ZNF592: variants seen among roughly 807,000 people sequenced by gnomAD.
ZNF592 encodes zinc finger protein 592.
In ZNF592, 11 loss-of-function variants were observed where a neutral mutation model predicts 80.3. That is an observed-to-expected ratio of 0.14 (90% CI 0.09 to 0.23). ZNF592 has a LOEUF of 0.23. ZNF592 is among the 10% of genes least tolerant of loss of function. ZNF592 has a pLI of 1.00. For synonymous variants in ZNF592, 646 were observed against 640.3 expected (o/e 1.01, Z -0.13); for missense variants, 1,420 against 1,633.9 (o/e 0.87, Z 2.26).
At chr15:84,786,661 G>A (rs549881135) in intron 4 of ZNF592, among the ~76,000 whole-genome samples, 8 of 152,030 alleles carry the variant, frequency 5.3e-5, no homozygotes, top group East Asian at 3.9e-4. Flanking sequence ...CTTCTGATGC[G>A]TCAGATGGGG....
At position 84,783,758 on chromosome 15, in the gene ZNF592, A is replaced by C. The variant is rs763591493; in HGVS notation, c.1083A>C (p.Ser361=). The C allele has an allele frequency of 3.1e-6, 5 of 1,614,216 alleles. No homozygotes were observed. In the South Asian group the frequency reaches 5.5e-5, roughly 18 times the overall value. The change falls in exon 4 of 11, where the codon TCA becomes TCC. Residue 361 remains serine, a synonymous_variant. Coordinates refer to ENST00000560079, the MANE Select transcript of ZNF592 (RefSeq NM_014630.3). This position sits in a 1 kb window ranked among gnomAD's most constrained non-coding sequence, Gnocchi z 5.0. ...GCAGTGACAGCAGCAGCAAAGGCTC[A>C]CCGTCTGTGGCTGCCAGCTCCCCAC... The part of the protein sequence containing the change: ...SICSDSSSKG[S]PSVAASSPPA...
chr15:84,780,926 C>T lies in ZNF592; in HGVS notation c.-19-1731C>T, dbSNP rs530349654. On this transcript the variant is annotated intron_variant, in intron 3 of 10. Transcript: ENST00000560079. ...TTTAAAAAATCTTGGCTCAAATGCACGCGTAGTTTTACATTGTTATAGTCT... is the reference window on the plus strand; with the variant it reads ...TTTAAAAAATCTTGGCTCAAATGCATGCGTAGTTTTACATTGTTATAGTCT... Among the ~76,000 whole-genome samples, 8 of 152,158 alleles carry T rather than the reference C, an allele frequency of 5.3e-5. No homozygotes were observed. In the South Asian group the frequency reaches 8.3e-4, roughly 16 times the overall value.
At chr15:84,797,018 C>T (rs1440128646) in intron 5 of ZNF592, among the ~76,000 whole-genome samples, 2 of 152,182 alleles carry the variant, frequency 1.3e-5, no homozygotes, top group Non-Finnish European at 2.9e-5. Flanking sequence ...GGCTGGAATG[C>T]GGTGGCACAA....
rs1962978876 is a variant in ZNF592, at chr15:84,798,253, A to G, written c.2577-62A>G. On this transcript the variant is annotated intron_variant, in intron 6 of 10. Transcript: ENST00000560079. The surrounding 1 kb of genome is among the most constrained non-coding windows in gnomAD (Gnocchi z 4.5). ...CTTGACCCTGGTTCAGAGAGAGCAG[A>G]GATGGGTGGAGGGGCTGCATGGTGC... 1 of 1,611,068 alleles carries G rather than the reference A, an allele frequency of 6.2e-7. No individual in the cohort carries two copies. The highest frequency in any genetic ancestry group is 1.3e-5 in the African/African-American group (1 of 75,006).
chr15:84,760,906 A>G (rs189548520), intron 1 of ZNF592, among the ~76,000 whole-genome samples: 20 of 152,182 alleles, frequency 1.3e-4, no homozygotes, highest in African/African-American at 4.8e-4. Context: ...GGCCTAGATT[A>G]TGGAGGTTTT....
At chr15:84,757,309 T>C (rs1365500996) in intron 1 of ZNF592, among the ~76,000 whole-genome samples, 1 of 147,586 alleles carries the variant, frequency 6.8e-6, no homozygotes, top group African/African-American at 2.5e-5. Flanking sequence ...CTGATCATTA[T>C]TCTTTTCTTT....
intron 5 of ZNF592, among the ~76,000 whole-genome samples, chr15:84,794,621 C>T (rs369583052): frequency 5.9e-5 from 9 of 152,202 alleles, no homozygotes; most frequent in South Asian, 2.1e-4. Flanking sequence ...GGATTACAGA[C>T]GCCCACCACC....
chr15:84,782,763 A>G lies in ZNF592; in HGVS notation c.88A>G (p.Ile30Val). 2 of 1,614,150 alleles carry G rather than the reference A, an allele frequency of 1.2e-6. No individual in the cohort carries two copies. The highest frequency in any genetic ancestry group is 8.5e-7 in the Non-Finnish European group (1 of 1,180,026). ...DPTSLDAKEA[I>V]QTPSEENESP... ...CACCAGCCTTGATGCCAAGGAGGCC[A>G]TCCAGACACCCAGTGAGGAGAATGA... is the stretch of plus-strand genomic sequence containing the variant. Residue 30 changes from isoleucine (I) to valine (V), a missense_variant, in exon 4 of 11, where the codon ATC (isoleucine) becomes GTC (valine). Ile to Val is a conservative substitution (Grantham distance 29, BLOSUM62 3). Around this residue, in one of 7 missense-constraint regions of ZNF592, gnomAD observed 373 missense variants for 355.5 expected, o/e 1.05. Transcript: ENST00000560079.
At chr15:84,750,030 G>A (rs141598924) in intron 1 of ZNF592, among the ~76,000 whole-genome samples, 1 of 152,208 alleles carries the variant, frequency 6.6e-6, no homozygotes, top group Middle Eastern at 3.2e-3. Flanking sequence ...GGCCGGGCGC[G>A]GTGGCTCGCG....
At chr15:84,759,263 C>CT (rs1207683696) in intron 1 of ZNF592, among the ~76,000 whole-genome samples, 60 of 152,146 alleles carry the variant, frequency 3.9e-4, no homozygotes, top group Non-Finnish European at 5.9e-5. Context: ...CCAGAAGTGT[C>CT]TTAAGGGGGC....
chr15:84,795,960 G>T (rs1043342665), intron 5 of ZNF592, among the ~76,000 whole-genome samples: 1 of 151,774 alleles, frequency 6.6e-6, no homozygotes, highest in Non-Finnish European at 1.5e-5. Flanking sequence ...AATGTATCAC[G>T]CCTGTAATCC....
At chr15:84,756,190 G>T (rs1456335129) in intron 1 of ZNF592, among the ~76,000 whole-genome samples, 1 of 152,194 alleles carries the variant, frequency 6.6e-6, no homozygotes, top group East Asian at 1.9e-4. Context: ...CCTTTTAGGG[G>T]TTTAGCTCAT....
intron 5 of ZNF592, among the ~76,000 whole-genome samples, chr15:84,796,296 A>ATATATATATATAT (rs1567076462): frequency 5.0e-4 from 20 of 40,064 alleles, no homozygotes; most frequent in Non-Finnish European, 6.9e-4. Flanking sequence ...TATATATATA[A>ATATATATATATAT]AAAAACGAAG....
chr15:84,749,649 C>G (rs1898954182), intron 1 of ZNF592, among the ~76,000 whole-genome samples: 1 of 152,140 alleles, frequency 6.6e-6, no homozygotes, highest in South Asian at 2.1e-4. Context: ...GAGTTCAGGC[C>G]TGTGCTCATG....
Position 84,799,940 on chromosome 15 carries a change from C to T in ZNF592, c.3236C>T (p.Thr1079Met), listed in dbSNP as rs118045501. The T allele has an allele frequency of 4.4e-4, 708 of 1,614,212 alleles. 2 individuals are homozygous for T. Among genetic ancestry groups the T allele is most frequent in the Non-Finnish European group, 5.7e-4 (675 of 1,180,024 alleles). ...ATCAGAAACCCTGATTTGAGCCAGA[C>T]GTCCAAAGTGAAACCTCCGGGTGGA... ...HGIRNPDLSQ[T>M]SKVKPPGGHS... The change falls in exon 10 of 11, where the codon ACG (threonine) becomes ATG (methionine). Residue 1079 changes from threonine to methionine, a missense_variant. Thr to Met is a moderately conservative substitution (Grantham distance 81, BLOSUM62 -1). Transcript: ENST00000560079. This position sits in a 1 kb window ranked among gnomAD's most constrained non-coding sequence, Gnocchi z 4.2.
At chr15:84,790,906 T>G in intron 5 of ZNF592, 23 bp downstream of exon 5, 2 of 1,614,112 alleles carry the variant, frequency 1.2e-6, no homozygotes, top group African/African-American at 1.3e-5. Context: ...TGGCTTGCTG[T>G]CCTGGTATTG....
intron 3 of ZNF592, among the ~76,000 whole-genome samples, chr15:84,781,192 C>T (rs949591602): frequency 2.0e-5 from 3 of 152,024 alleles, no homozygotes; most frequent in South Asian, 2.1e-4. Context: ...GGGATTAAGG[C>T]GCCCACCACC....
At chr15:84,764,363 G>T (rs913196075) in intron 1 of ZNF592, among the ~76,000 whole-genome samples, 1 of 152,174 alleles carries the variant, frequency 6.6e-6, no homozygotes, top group Non-Finnish European at 1.5e-5. Context: ...TAACTCATTT[G>T]ATCCCTATAA....
intron 10 of ZNF592, among the ~76,000 whole-genome samples, chr15:84,801,565 A>G (rs1349329178): frequency 6.6e-6 from 1 of 152,222 alleles, no homozygotes; most frequent in Non-Finnish European, 1.5e-5. Flanking sequence ...TTGTTTTTGT[A>G]TAGGCATAGG....
Sources: gnomAD v4.1 joint callset for allele counts (sites outside exome capture counted in the v4.1 genomes callset) on GRCh38, gnomAD v4.1.1 for gene constraint, gnomAD v4.1.1 regional missense constraint, Gnocchi (gnomAD v3.1) non-coding constraint, MANE v1.5 for transcripts, NCBI Gene and HGNC (gene_info 2026-07-23, HGNC 2026-07-21) for gene names.